The following CACNA1I variants were observed in gnomAD, a reference collection of about 807,000 sequenced individuals.
CACNA1I encodes the protein calcium voltage-gated channel subunit alpha1 I.
In CACNA1I, 74 loss-of-function variants were observed where a neutral mutation model predicts 201.6. The ratio of observed to expected loss-of-function variants is 0.37; its 90% CI spans 0.30 to 0.45. CACNA1I has a LOEUF of 0.45. Ranked by LOEUF, CACNA1I falls within the 20% of genes least tolerant of loss-of-function variation. The probability of loss-of-function intolerance (pLI) is 1.00; values close to 1 mark genes in which losing one functional copy is unlikely to be tolerated. For synonymous variants in CACNA1I, 1,431 were observed against 1,345.2 expected, an observed-to-expected ratio of 1.06 and a Z score of -1.40; for missense variants, 2,346 against 3,138.1, an observed-to-expected ratio of 0.75 and a Z score of 6.03.
intron 29 of CACNA1I, among the ~76,000 whole-genome samples, chr22:39,675,003 G>A (rs929726910): frequency 6.6e-6 from 1 of 152,220 alleles, no homozygotes; most frequent in African/African-American, 2.4e-5. Context: ...ATTCAGAGAC[G>A]TGGTTTTTCC....
intron 10 of CACNA1I, chr22:39,656,288 G>A (rs1458119133): frequency 6.8e-6 from 3 of 441,968 alleles, no homozygotes; most frequent in East Asian, 1.1e-4. Context: ...GCGGCTCCCC[G>A]TTGCTGATGG....
intron 4 of CACNA1I, among the ~76,000 whole-genome samples, chr22:39,626,597 A>G (rs1325237274): frequency 6.6e-6 from 1 of 151,992 alleles, no homozygotes; most frequent in East Asian, 1.9e-4. Context: ...ATAAGTGGCT[A>G]AAGTTTTTTT....
chr22:39,662,438 G>T lies in CACNA1I; in HGVS notation c.3372+3G>T. 7.0e-7 allele frequency: 1 copy of T among 1,434,342 alleles called. No homozygotes were observed. The highest frequency in any genetic ancestry group is 9.1e-7 in the Non-Finnish European group (1 of 1,101,972). The allele number at this position is 1,434,342 out of a possible 1,614,324, so 88.9% of individuals were successfully genotyped here. On this transcript the variant is annotated splice_donor_region_variant and intron_variant, in intron 17 of 36. Coordinates refer to ENST00000402142, the MANE Select transcript of CACNA1I (RefSeq NM_021096.4). ...AGGATGAGGAGGAAATCGACTACGT[G>T]AGTGGGGGCGGGGCCGAAGGGGACC...
intron 18 of CACNA1I, among the ~76,000 whole-genome samples, chr22:39,663,240 G>A (rs1314593063): frequency 6.6e-6 from 1 of 152,188 alleles, no homozygotes; most frequent in Non-Finnish European, 1.5e-5. Flanking sequence ...GCACCAGGTT[G>A]AACCATTCTC....
chr22:39,643,038 C>G (rs1934388759), intron 7 of CACNA1I, 149 bp downstream of exon 7: 1 of 607,170 alleles, frequency 1.6e-6, no homozygotes, highest in Non-Finnish European at 2.9e-6. Context: ...TTCTCAGCAC[C>G]ACCGGGCAGC....
At chr22:39,674,813 T>C (rs1013166542) in intron 29 of CACNA1I, among the ~76,000 whole-genome samples, 1 of 152,150 alleles carries the variant, frequency 6.6e-6, no homozygotes, top group Non-Finnish European at 1.5e-5. Context: ...GCACAGATAC[T>C]GCACATTAAA....
At chr22:39,574,044 G>A (rs1932266898) in intron 1 of CACNA1I, among the ~76,000 whole-genome samples, 1 of 152,172 alleles carries the variant, frequency 6.6e-6, no homozygotes, top group Non-Finnish European at 1.5e-5. Flanking sequence ...TTAACTGGTG[G>A]GATACGGACT....
intron 18 of CACNA1I, 75 bp downstream of exon 18, chr22:39,662,951 C>G: frequency 9.6e-7 from 1 of 1,039,572 alleles, no homozygotes; most frequent in Non-Finnish European, 1.5e-6. Flanking sequence ...CCAAGCCAGG[C>G]AAGGCCATTG....
intron 2 of CACNA1I, among the ~76,000 whole-genome samples, chr22:39,598,832 G>C (rs1569055019): frequency 6.6e-6 from 1 of 151,946 alleles, no homozygotes; most frequent in Non-Finnish European, 1.5e-5. Flanking sequence ...CATGTATACG[G>C]GTAGCACAGA....
intron 1 of CACNA1I, among the ~76,000 whole-genome samples, chr22:39,584,450 T>A (rs948892599): frequency 6.6e-6 from 1 of 152,184 alleles, no homozygotes; most frequent in Non-Finnish European, 1.5e-5. Context: ...GGAGGCCTGG[T>A]GCTCAGCAGT....
At chr22:39,600,222 TCACCCCACCCC>T (rs1932994081) in intron 2 of CACNA1I, among the ~76,000 whole-genome samples, 1 of 152,132 alleles carries the variant, frequency 6.6e-6, no homozygotes, top group South Asian at 2.1e-4. Flanking sequence ...GGACGGCCCC[TCACCCCACCCC>T]CACCTGGGGC....
intron 1 of CACNA1I, among the ~76,000 whole-genome samples, chr22:39,584,191 TGAG>T (rs1932669343): frequency 6.6e-6 from 1 of 151,698 alleles, no homozygotes; most frequent in South Asian, 2.1e-4. Flanking sequence ...AATGGGGCAT[TGAG>T]GAGTGGGCAG....
Position 39,619,416 on chromosome 22 carries a change from G to T in CACNA1I, c.580+9G>T. On this transcript the variant is annotated intron_variant, in intron 4 of 36. Transcript: ENST00000402142. ...CATCAACCGCGTGCCCAGTGAGTCA[G>T]CCCCGCCCTGTCCACACATTCCTGG... is the stretch of plus-strand genomic sequence containing the variant. The T allele has an allele frequency of 6.3e-7, 1 of 1,598,284 alleles. No homozygotes were observed.
In CACNA1I at chr22:39,649,935, G is replaced by A; in HGVS notation, c.1992+10G>A. 1 of 1,612,656 alleles carries A rather than the reference G, an allele frequency of 6.2e-7. No homozygotes were observed. Among genetic ancestry groups the A allele is most frequent in the African/African-American group, 1.3e-5 (1 of 74,936 alleles). ...CGAGCACCACGAGCAGGCCAGTGCA[G>A]CGCAGCCGGGCCGGGCCTGCGGGAG... On this transcript the variant is annotated intron_variant, in intron 10 of 36. Transcript: ENST00000402142. This position sits in a 1 kb window ranked among gnomAD's most constrained non-coding sequence, Gnocchi z 7.3.
At chr22:39,657,619 C>T (rs1934863148) in intron 10 of CACNA1I, among the ~76,000 whole-genome samples, 1 of 152,210 alleles carries the variant, frequency 6.6e-6, no homozygotes, top group African/African-American at 2.4e-5. Flanking sequence ...TCTGTGGCCT[C>T]AGGCAAGGGA....
intron 1 of CACNA1I, among the ~76,000 whole-genome samples, chr22:39,587,279 C>G (rs1932764850): frequency 6.6e-6 from 1 of 152,204 alleles, no homozygotes; most frequent in Non-Finnish European, 1.5e-5. Context: ...TCCCTTGCCC[C>G]CTCCTGAAAA....
Position 39,686,378 on chromosome 22 carries a change from A to G in CACNA1I, c.6645A>G (p.Gly2215=). The G allele has an allele frequency of 1.5e-6, 2 of 1,295,638 alleles. No individual in the cohort carries two copies. Among genetic ancestry groups the G allele is most frequent in the South Asian group, 2.1e-5 (1 of 48,464 alleles). The allele number at this position is 1,295,638 out of a possible 1,614,324, so 80.3% of individuals were successfully genotyped here. ...PQPLPGELEP[G]DAASKRKR ...CGCTCCCCGGAGAGCTGGAGCCGGG[A>G]GACGCCGCCAGCAAGAGGAAGAGAT... is the stretch of plus-strand genomic sequence containing the variant. Residue 2215 remains glycine, a synonymous_variant, in exon 37 of 37, where the codon GGA becomes GGG. Transcript: ENST00000402142.
At chr22:39,585,136 C>T (rs1012546229) in intron 1 of CACNA1I, among the ~76,000 whole-genome samples, 5 of 151,898 alleles carry the variant, frequency 3.3e-5, no homozygotes, top group Non-Finnish European at 5.9e-5. Context: ...CTCGGCTCAC[C>T]GCAACCTCTG....
At position 39,668,385 on chromosome 22, in the gene CACNA1I, G is replaced by A; in HGVS notation, c.4194+4G>A. ...TGCTGTTGCTGTGGACCAGCAGGTG[G>A]GTGTAGCTGGGACCAGGCCAAGCCT... is the stretch of plus-strand genomic sequence containing the variant. On this transcript the variant is annotated splice_donor_region_variant and intron_variant, in intron 24 of 36. Transcript: ENST00000402142. The A allele has an allele frequency of 6.3e-7, 1 of 1,596,678 alleles. No homozygotes were observed. Among genetic ancestry groups the A allele is most frequent in the East Asian group, 2.2e-5 (1 of 44,796 alleles).
Sources: gnomAD v4.1 joint callset for allele counts (sites outside exome capture counted in the v4.1 genomes callset) on GRCh38, gnomAD v4.1.1 for gene constraint, Gnocchi (gnomAD v3.1) non-coding constraint, MANE v1.5 for transcripts, NCBI Gene and HGNC (gene_info 2026-07-23, HGNC 2026-07-21) for gene names.